CHST9: variants seen among roughly 807,000 people sequenced by gnomAD.
The protein encoded by CHST9 is carbohydrate sulfotransferase 9.
Under a neutral mutation model 44.4 loss-of-function variants are expected in CHST9, and 41 were observed. The observed-to-expected ratio is 0.92, with a 90% CI of 0.72 to 1.20. The LOEUF is 1.20. CHST9 is among the 50% of genes most tolerant of loss of function. CHST9 has a pLI of 0.00. For missense variants in CHST9, 504 were observed against 516.5 expected (o/e 0.98, Z 0.23); for synonymous variants, 171 against 178.4 (o/e 0.96, Z 0.33).
intron 1 of CHST9, among the ~76,000 whole-genome samples, chr18:27,156,011 CAT>C (rs1211841529): frequency 6.6e-6 from 1 of 151,606 alleles, no homozygotes; most frequent in African/African-American, 2.4e-5. Flanking sequence ...AAGTAGGAAA[CAT>C]ATTATAAAAA....
chr18:27,088,434 C>T (rs766872481), intron 2 of CHST9, among the ~76,000 whole-genome samples: 3 of 144,998 alleles, frequency 2.1e-5, no homozygotes, highest in Admixed American at 7.2e-5. Flanking sequence ...CTCGCTCTGT[C>T]GGCAGGCTGG....
At chr18:27,144,236 C>G (rs117792157) in intron 1 of CHST9, among the ~76,000 whole-genome samples, 1,713 of 152,292 alleles carry the variant, frequency 0.011, 26 homozygotes, top group African/African-American at 0.036. Flanking sequence ...CTCTTCTATT[C>G]CATTGCCTCA....
At chr18:27,181,567 C>T (rs556702665) in intron 1 of CHST9, among the ~76,000 whole-genome samples, 14 of 152,134 alleles carry the variant, frequency 9.2e-5, no homozygotes, top group African/African-American at 2.7e-4. Context: ...TGCCATTTAA[C>T]GTCAAAGACA....
In CHST9 at chr18:26,912,368, G is replaced by T; in HGVS notation, c.*3891C>A. 1 of 100,714 alleles carries T rather than the reference G, an allele frequency of 9.9e-6. No individual in the cohort carries two copies. The highest frequency in any genetic ancestry group is 1.1e-4 in the Admixed American group (1 of 9,108). 6.2% of individuals were successfully genotyped at this position (100,714 alleles called of 1,614,324 possible). The stretch of plus-strand genomic sequence containing the variant: ...TGATTTGAAATGTGATAACTAACTA[G>T]CTAAATACACACACACACACACACA... On this transcript the variant is annotated 3_prime_UTR_variant, in exon 6 of 6. Coordinates refer to ENST00000618847, the MANE Select transcript of CHST9 (RefSeq NM_031422.6).
At chr18:27,128,945 T>C (rs1483004100) in intron 2 of CHST9, among the ~76,000 whole-genome samples, 3 of 152,138 alleles carry the variant, frequency 2.0e-5, no homozygotes, top group Non-Finnish European at 4.4e-5. Context: ...TTGAATTCCT[T>C]TTTGGGGTCT....
intron 4 of CHST9, among the ~76,000 whole-genome samples, chr18:26,950,753 C>A (rs1368638699): frequency 6.6e-6 from 1 of 152,108 alleles, no homozygotes; most frequent in Admixed American, 6.5e-5. Context: ...GGAGAAAAGA[C>A]AACATATGGG....
chr18:27,018,441 C>G (rs1322720125), intron 4 of CHST9, among the ~76,000 whole-genome samples: 1 of 152,086 alleles, frequency 6.6e-6, no homozygotes. Flanking sequence ...AGCCCTTTCC[C>G]TACAAAAGAA....
chr18:26,965,149 G>A (rs2056448449), intron 4 of CHST9, among the ~76,000 whole-genome samples: 1 of 152,138 alleles, frequency 6.6e-6, no homozygotes, highest in Non-Finnish European at 1.5e-5. Context: ...CATTTTTTGG[G>A]TTTAGAATTT....
At chr18:26,975,478 T>G (rs2056605995) in intron 4 of CHST9, among the ~76,000 whole-genome samples, 1 of 151,726 alleles carries the variant, frequency 6.6e-6, no homozygotes, top group Admixed American at 6.6e-5. Flanking sequence ...ACACTCTAAG[T>G]CCATGTGCAC....
At chr18:26,958,616 A>C (rs1300957100) in intron 4 of CHST9, among the ~76,000 whole-genome samples, 1 of 152,216 alleles carries the variant, frequency 6.6e-6, no homozygotes, top group African/African-American at 2.4e-5. Context: ...TCTATAAGGA[A>C]CTTAAACAAT....
chr18:27,159,540 C>A (rs1355637169), intron 1 of CHST9, among the ~76,000 whole-genome samples: 1 of 152,058 alleles, frequency 6.6e-6, no homozygotes, highest in Non-Finnish European at 1.5e-5. Context: ...AGTCAGGTAG[C>A]GTGATGCCTC....
chr18:27,133,825 C>G (rs1294711082), intron 2 of CHST9, among the ~76,000 whole-genome samples: 2 of 152,012 alleles, frequency 1.3e-5, no homozygotes, highest in Non-Finnish European at 2.9e-5. Flanking sequence ...GAAACGTGCT[C>G]CAGGAAGAGG....
At chr18:27,162,839 G>C (rs2058758722) in intron 1 of CHST9, among the ~76,000 whole-genome samples, 1 of 152,192 alleles carries the variant, frequency 6.6e-6, no homozygotes, top group Admixed American at 6.5e-5. Flanking sequence ...ATCCAGCTTT[G>C]TTCCGTTGCT....
intron 2 of CHST9, among the ~76,000 whole-genome samples, chr18:27,128,970 C>A (rs558008809): frequency 0.011 from 1,652 of 152,216 alleles, 24 homozygotes; most frequent in African/African-American, 0.034. Flanking sequence ...TGTTCTAGGC[C>A]CTGTGGTCCT....
At chr18:27,000,878 A>C (rs1158826305) in intron 4 of CHST9, among the ~76,000 whole-genome samples, 1 of 152,144 alleles carries the variant, frequency 6.6e-6, no homozygotes, top group Non-Finnish European at 1.5e-5. Context: ...ATAGCTAACC[A>C]TGCTCTCAAG....
rs34898136 is a variant in CHST9, at chr18:26,969,000, C to CT, written c.203-24635dup. Among the ~76,000 whole-genome samples, 468 of 132,728 alleles carry CT rather than the reference C, an allele frequency of 3.5e-3. 1 individual carries two copies. The highest frequency in any genetic ancestry group is 0.01 in the African/African-American group (380 of 36,336). The allele number at this position is 132,728 out of a possible 152,430, so 87.1% of individuals were successfully genotyped here. A position where few individuals can be genotyped will look rare whatever the true frequency, so the allele number is the denominator to read the frequency against. ...CCATTCTCATTTGAATTTATGCAGT[C>CT]TTTTTTTTTTTTTTTTGAGATGGAG... is the stretch of plus-strand genomic sequence containing the variant. On this transcript the variant is annotated intron_variant, in intron 4 of 5. Transcript: ENST00000618847.
chr18:27,157,417 C>T (rs187869486), intron 1 of CHST9, among the ~76,000 whole-genome samples: 197 of 152,244 alleles, frequency 1.3e-3, no homozygotes, highest in African/African-American at 4.3e-3. Flanking sequence ...CAAGCAATCA[C>T]ATGCAAATAT....
rs764771288 is a variant in CHST9, at chr18:26,912,372, A to AACACACACACACACAC, written c.*3886_*3887insGTGTGTGTGTGTGTGT. 4 of 146,098 alleles carry AACACACACACACACAC rather than the reference A, an allele frequency of 2.7e-5. No individual in the cohort carries two copies. Among genetic ancestry groups the AACACACACACACACAC allele is most frequent in the African/African-American group, 1.0e-4 (4 of 39,206 alleles). 9.1% of individuals were successfully genotyped at this position (146,098 alleles called of 1,614,324 possible). On this transcript the variant is annotated 3_prime_UTR_variant, in exon 6 of 6. Transcript: ENST00000618847. ...TTGAAATGTGATAACTAACTAGCTA[A>AACACACACACACACAC]ATACACACACACACACACACACACA...
At chr18:27,169,370 T>C (rs1163698747) in intron 1 of CHST9, among the ~76,000 whole-genome samples, 1 of 152,176 alleles carries the variant, frequency 6.6e-6, no homozygotes, top group East Asian at 1.9e-4. Flanking sequence ...TAAACTTATA[T>C]GCACCTAATA....
Sources: allele counts gnomAD v4.1 joint callset (sites outside exome capture counted in the v4.1 genomes callset), GRCh38; gene constraint gnomAD v4.1.1; transcripts MANE v1.5; gene names NCBI Gene and HGNC (gene_info 2026-07-23, HGNC 2026-07-21).